TTC16: variants seen among roughly 807,000 people sequenced by gnomAD.
TTC16 encodes the protein tetratricopeptide repeat protein 16.
TTC16 carries 66 observed loss-of-function variants against 80.4 expected under a neutral mutation model. The ratio of observed to expected loss-of-function variants is 0.82; its 90% CI spans 0.67 to 1.01. The LOEUF (loss-of-function observed/expected upper bound fraction) is 1.01, where lower values mean the gene tolerates loss of function less well. Among genes scored for constraint, TTC16 ranks in the 50% least tolerant of loss-of-function variants. TTC16 has a pLI of 0.00. For missense variants in TTC16, 1,070 were observed against 1,103.2 expected, an observed-to-expected ratio of 0.97 and a Z score of 0.43; for synonymous variants, 438 against 451.3, an observed-to-expected ratio of 0.97 and a Z score of 0.37.
In TTC16 at chr9:127,716,311, A is replaced by G. The variant is rs1843004414; in HGVS notation, c.18+148A>G. 5.9e-6 allele frequency: 7 copies of G among 1,194,378 alleles called. No individual in the cohort carries two copies. The South Asian group carries it at 7.6e-5, about 13-fold the overall frequency. The allele number at this position is 1,194,378 out of a possible 1,614,324, so 74.0% of individuals were successfully genotyped here. A position where few individuals can be genotyped will look rare whatever the true frequency, so the allele number is the denominator to read the frequency against. On this transcript the variant is annotated intron_variant, in intron 1 of 13. Transcript: ENST00000373289. ...CTGGCCGCCATGCCAAGAACCAGGC[A>G]TGTGAAAGATCCTTGTAAGGCTCGG... is the stretch of plus-strand genomic sequence containing the variant.
At chr9:127,728,644 C>T (rs1588459269) in intron 12 of TTC16, 1 of 152,190 alleles carries the variant, frequency 6.6e-6, no homozygotes, top group African/African-American at 2.4e-5. Context: ...AAAATACAAA[C>T]ATTAGCCAGG....
rs1843950272 is a variant in TTC16 at position 127,726,310 on chromosome 9, T to C, written c.1331T>C (p.Leu444Pro). The C allele has an allele frequency of 6.2e-7, 1 of 1,611,912 alleles. No individual in the cohort carries two copies. The highest frequency in any genetic ancestry group is 1.1e-5 in the South Asian group (1 of 90,986). Residue 444 changes from leucine to proline, a missense_variant, in exon 10 of 14, where the codon CTG (leucine) becomes CCG (proline). Coordinates refer to ENST00000373289, the MANE Select transcript of TTC16 (RefSeq NM_144965.3). ...RHNPQKAQYY[L>P]YRAKSRQLLQ... The stretch of plus-strand genomic sequence containing the variant: ...AACCCCCAGAAGGCCCAGTACTACC[T>C]GTACCGGGCCAAGAGCCGGCAGCTG...
At chr9:127,724,542 CT>C in intron 8 of TTC16, 178 bp downstream of exon 8, 2 of 1,097,002 alleles carry the variant, frequency 1.8e-6, no homozygotes, top group Non-Finnish European at 2.6e-6. Context: ...GAAATGTTGC[CT>C]TAGACAAACT....
chr9:127,716,187 C>T (rs776428188), intron 1 of TTC16, 24 bp downstream of exon 1: 20 of 1,613,708 alleles, frequency 1.2e-5, no homozygotes, highest in Non-Finnish European at 1.7e-5. Context: ...AGAAGACTAA[C>T]GCAAAGGCAG....
In TTC16 at chr9:127,722,153, G is replaced by A. The variant is rs1179228638; in HGVS notation, c.658-966G>A. 6.6e-6 allele frequency among the ~76,000 whole-genome samples: 1 copy of A among 152,162 alleles called. No individual in the cohort carries two copies. The highest frequency in any genetic ancestry group is 2.4e-5 in the African/African-American group (1 of 41,426). On this transcript the variant is annotated intron_variant, in intron 6 of 13. Transcript: ENST00000373289. The surrounding 1 kb of genome is among the most constrained non-coding windows in gnomAD (Gnocchi z 4.2). ...TGACTTGCCCAAGGTCACACAGCCTGTTCCCAGTGGCATTGCCTGGAGCCC... is the reference window on the plus strand; with the variant it reads ...TGACTTGCCCAAGGTCACACAGCCTATTCCCAGTGGCATTGCCTGGAGCCC...
At chr9:127,726,033 G>C (rs536252818) in intron 9 of TTC16, among the ~76,000 whole-genome samples, 5 of 152,290 alleles carry the variant, frequency 3.3e-5, no homozygotes, top group Non-Finnish European at 7.4e-5. Context: ...AGATCATAAA[G>C]ATATTCATTG....
chr9:127,729,586 A>C lies in TTC16; in HGVS notation c.1770A>C (p.Lys590Asn). ...EEKEKEKKEEKKSELIPSKVA... is the reference protein window; with the variant it reads ...EEKEKEKKEENKSELIPSKVA... ...AAGCCTGTTTCTTGCCATAGGAGAA[A>C]AAATCAGAGCTCATACCTAGCAAGG... Residue 590 changes from lysine (K) to asparagine (N), a missense_variant, in exon 13 of 14, where the codon AAA becomes AAC. Lys to Asn is a moderately conservative substitution (Grantham distance 94, BLOSUM62 0). Coordinates refer to ENST00000373289, the MANE Select transcript of TTC16 (RefSeq NM_144965.3). 6.2e-7 allele frequency: 1 copy of C among 1,613,796 alleles called. No homozygotes were observed. The highest frequency in any genetic ancestry group is 8.5e-7 in the Non-Finnish European group (1 of 1,179,968).
rs1229361258 is a variant in TTC16, at chr9:127,730,826, CCT to C, written c.2044_2045del (p.Leu682Ter). The C allele has an allele frequency of 6.2e-7, 1 of 1,611,880 alleles. No homozygotes were observed. Among genetic ancestry groups the C allele is most frequent in the African/African-American group, 1.3e-5 (1 of 74,254 alleles). ...IKATQGQRQS[L>X]SKTEPTQSQR... ...AGGCCACCCAGGGCCAGAGGCAGAG[CCT>C]TAGCAAGACTGAGCCCACCCAGAGC... On this transcript the variant is annotated frameshift_variant, in exon 14 of 14. Coordinates refer to ENST00000373289, the MANE Select transcript of TTC16 (RefSeq NM_144965.3). LOFTEE classifies it low-confidence loss of function (END_TRUNC).
intron 9 of TTC16, among the ~76,000 whole-genome samples, chr9:127,725,321 TTGG>T (rs1843848971): frequency 6.6e-6 from 1 of 150,628 alleles, no homozygotes; most frequent in African/African-American, 2.4e-5. Context: ...TCCCAGCACT[TTGG>T]GAGGCCGAGG....
chr9:127,729,767 C>T (rs1386858443), intron 13 of TTC16, 99 bp downstream of exon 13: 2 of 1,094,132 alleles, frequency 1.8e-6, no homozygotes, highest in East Asian at 4.9e-5. Flanking sequence ...TGCGTTCGGC[C>T]CCGCTGCTGA....
rs1843166244 is a variant in TTC16 at position 127,717,769 on chromosome 9, A to G, written c.423A>G (p.Leu141=). ...AGCGCCTCACCTTTGTGCTCTACCT[A>G]CAGGTGCCTGGGGCCTCCCGGGCCC... ...HLERLTFVLY[L]QGQCLFEQCA... is the part of the protein sequence containing the mutation. The change falls in exon 4 of 14, where the codon CTA becomes CTG. Residue 141 remains leucine, a synonymous_variant. Coordinates refer to ENST00000373289, the MANE Select transcript of TTC16 (RefSeq NM_144965.3). 4 of 1,612,344 alleles carry G rather than the reference A, an allele frequency of 2.5e-6. No individual in the cohort carries two copies. The East Asian group carries it at 8.9e-5, about 36-fold the overall frequency.
At chr9:127,729,284 T>G (rs1293952912) in intron 12 of TTC16, 3 of 334,526 alleles carry the variant, frequency 9.0e-6, no homozygotes, top group Non-Finnish European at 1.7e-5. Context: ...CCTTTACAAT[T>G]TACAGAAGCC....
At chr9:127,724,412 G>C (rs533582120) in intron 8 of TTC16, 48 bp downstream of exon 8, 1 of 1,601,138 alleles carries the variant, frequency 6.2e-7, no homozygotes, top group African/African-American at 1.3e-5. Context: ...GGGGAGCCTC[G>C]CCATCTCTAA....
chr9:127,720,187 C>T lies in TTC16; in HGVS notation c.527+9C>T, dbSNP rs1312325849. The T allele has an allele frequency of 6.2e-7, 1 of 1,613,444 alleles. No homozygotes were observed. Among genetic ancestry groups the T allele is most frequent in the Non-Finnish European group, 8.5e-7 (1 of 1,179,848 alleles). Reference sequence around the variant, plus strand: ...TGCTTCCGTTACCGATGGTGAGTGCCCCTGCCAGCCCCTTCTCCCAGCACC... The same window carrying T: ...TGCTTCCGTTACCGATGGTGAGTGCTCCTGCCAGCCCCTTCTCCCAGCACC... On this transcript the variant is annotated intron_variant, in intron 5 of 13. Coordinates refer to ENST00000373289, the MANE Select transcript of TTC16 (RefSeq NM_144965.3).
In TTC16 at chr9:127,720,181, G is replaced by A. The variant is rs772949630; in HGVS notation, c.527+3G>A. The stretch of plus-strand genomic sequence containing the variant: ...AAACCATGCTTCCGTTACCGATGGT[G>A]AGTGCCCCTGCCAGCCCCTTCTCCC... On this transcript the variant is annotated splice_donor_region_variant and intron_variant, in intron 5 of 13. Coordinates refer to ENST00000373289, the MANE Select transcript of TTC16 (RefSeq NM_144965.3). The A allele has an allele frequency of 6.8e-6, 11 of 1,613,588 alleles. No individual in the cohort carries two copies. The Admixed American group carries it at 1.5e-4, about 22-fold the overall frequency.
rs570716329 is a variant in TTC16, at chr9:127,729,259, T to C, written c.1765-322T>C. On this transcript the variant is annotated intron_variant, in intron 12 of 13. Transcript: ENST00000373289. ...AGCTCCTCAAGTCCTCCGTAAGCAT[T>C]CCCCAGGGCACAGCCCTTTACAATT... The C allele has an allele frequency of 4.4e-5, 11 of 252,468 alleles. No homozygotes were observed. The East Asian group carries it at 1.2e-3, about 27-fold the overall frequency. 15.6% of individuals were successfully genotyped at this position (252,468 alleles called of 1,614,324 possible).
chr9:127,727,444 A>C lies in TTC16; in HGVS notation c.1743A>C (p.Glu581Asp). Reference protein sequence around the residue: ...GEAEAPEEEEEKEKEKKEEKK... With the variant: ...GEAEAPEEEEDKEKEKKEEKK... The stretch of plus-strand genomic sequence containing the variant: ...CTGAGGCCCCTGAGGAGGAGGAAGA[A>C]AAGGAGAAGGAGAAAAAAGAGGTAA... Residue 581 changes from glutamate (E) to aspartate (D), a missense_variant, in exon 12 of 14, where the codon GAA (glutamate) becomes GAC (aspartate). By Grantham distance (45) the Glu-to-Asp change is conservative. Coordinates refer to ENST00000373289, the MANE Select transcript of TTC16 (RefSeq NM_144965.3). The C allele has an allele frequency of 6.3e-7, 1 of 1,591,908 alleles. No homozygotes were observed. The highest frequency in any genetic ancestry group is 8.6e-7 in the Non-Finnish European group (1 of 1,169,484).
At position 127,725,590 on chromosome 9, in the gene TTC16, T is replaced by G. The variant is rs116023762; in HGVS notation, c.1260-649T>G. ...AAAAAAAAAAAAAAAAAAAAAAGCT[T>G]CTCTCTCCGTTATGCTTTCCTTTTT... On this transcript the variant is annotated intron_variant, in intron 9 of 13. Transcript: ENST00000373289. 8.3e-3 allele frequency among the ~76,000 whole-genome samples: 1,168 copies of G among 141,012 alleles called. 30 individuals carry two copies. The highest frequency in any genetic ancestry group is 0.03 in the African/African-American group (1,107 of 37,482). The allele number at this position is 141,012 out of a possible 152,430, so 92.5% of individuals were successfully genotyped here. A position where few individuals can be genotyped will look rare whatever the true frequency, so the allele number is the denominator to read the frequency against.
Position 127,730,131 on chromosome 9 carries a change from C to A in TTC16, c.1852+463C>A, listed in dbSNP as rs1844283354. ...AACTCCCCAAGTGCCCTGGGCCAGG[C>A]CTGTGCTCAATACTAGGCACAGGAA... On this transcript the variant is annotated intron_variant, in intron 13 of 13. Coordinates refer to ENST00000373289, the MANE Select transcript of TTC16 (RefSeq NM_144965.3). 1.4e-5 allele frequency: 3 copies of A among 218,800 alleles called. No homozygotes were observed. The South Asian group carries it at 2.3e-4, about 17-fold the overall frequency. The allele number at this position is 218,800 out of a possible 1,614,324, so 13.6% of individuals were successfully genotyped here.
Sources: allele counts gnomAD v4.1 joint callset (sites outside exome capture counted in the v4.1 genomes callset), GRCh38; gene constraint gnomAD v4.1.1; non-coding constraint Gnocchi (gnomAD v3.1); transcripts MANE v1.5; gene names NCBI Gene and HGNC (gene_info 2026-07-23, HGNC 2026-07-21).